CBX2: variants seen among roughly 807,000 people sequenced by gnomAD.
CBX2 encodes chromobox protein homolog 2.
CBX2 carries 11 observed loss-of-function variants against 21.0 expected under a neutral mutation model. That is an observed-to-expected ratio of 0.52 (90% CI 0.33 to 0.87). The LOEUF (loss-of-function observed/expected upper bound fraction) is 0.87, where lower values mean the gene tolerates loss of function less well. Ranked by LOEUF, CBX2 falls within the 40% of genes least tolerant of loss-of-function variation. The probability of loss-of-function intolerance (pLI) is 0.02; values close to 1 mark genes in which losing one functional copy is unlikely to be tolerated. For missense variants in CBX2, 746 were observed against 724.3 expected (o/e 1.03, Z -0.34); for synonymous variants, 364 against 304.6 (o/e 1.19, Z -2.03).
In CBX2 at chr17:79,784,817, G is replaced by C; in HGVS notation, c.1374G>C (p.Met458Ile). ...EARKAATLPE[M>I]SAGEESSSSD... ...GCAAGGCGGCCACACTGCCAGAGAT[G>C]AGCGCAGGTGAGGAGAGTAGCAGCT... The change falls in exon 5 of 5, where the codon ATG becomes ATC. Residue 458 changes from methionine (M) to isoleucine (I), a missense_variant. Around this residue, in one of 2 missense-constraint regions of CBX2, gnomAD observed 701 missense variants for 650.7 expected, o/e 1.08. Coordinates refer to ENST00000310942, the MANE Select transcript of CBX2 (RefSeq NM_005189.3). This position sits in a 1 kb window ranked among gnomAD's most constrained non-coding sequence, Gnocchi z 5.9. 4 of 1,611,658 alleles carry C rather than the reference G, an allele frequency of 2.5e-6. No homozygotes were observed. Among genetic ancestry groups the C allele is most frequent in the Non-Finnish European group, 3.4e-6 (4 of 1,179,258 alleles).
intron 4 of CBX2, 197 bp downstream of exon 4, chr17:79,781,998 G>C (rs782765736): frequency 6.2e-7 from 1 of 1,613,966 alleles, no homozygotes; most frequent in African/African-American, 1.3e-5. Flanking sequence ...CCGGCTGAGA[G>C]TTCCTCCCCG....
At position 79,778,560 on chromosome 17, in the gene CBX2, G is replaced by A; in HGVS notation, c.116+133G>A. The A allele has an allele frequency of 2.0e-6, 1 of 498,322 alleles. No homozygotes were observed. The highest frequency in any genetic ancestry group is 3.3e-6 in the Non-Finnish European group (1 of 303,328). The allele number at this position is 498,322 out of a possible 1,614,324, so 30.9% of individuals were successfully genotyped here. ...AGCGGGAAGTTCGCGGGGTCCCCGCGGGCTCCTCCGGCTCTGAGGGGGGCG... is the reference window on the plus strand; with the variant it reads ...AGCGGGAAGTTCGCGGGGTCCCCGCAGGCTCCTCCGGCTCTGAGGGGGGCG... On this transcript the variant is annotated intron_variant, in intron 2 of 4. Transcript: ENST00000310942. The surrounding 1 kb of genome is among the most constrained non-coding windows in gnomAD (Gnocchi z 4.8).
chr17:79,782,447 C>T (rs1464391611), intron 4 of CBX2: 4 of 1,279,508 alleles, frequency 3.1e-6, no homozygotes, highest in Admixed American at 6.7e-5. Context: ...CCCCTGAGGA[C>T]AGGTGAGGCA....
At chr17:79,782,482 G>A (rs1291213708) in intron 4 of CBX2, 2 of 1,213,752 alleles carry the variant, frequency 1.6e-6, no homozygotes, top group Non-Finnish European at 2.1e-6. Flanking sequence ...AGGAGGGCCT[G>A]GCCTCAGTCC....
In CBX2 at chr17:79,784,855, C is replaced by T; in HGVS notation, c.1412C>T (p.Pro471Leu). The change falls in exon 5 of 5, where the codon CCC becomes CTC. Residue 471 changes from proline to leucine, a missense_variant. By Grantham distance (98) the Pro-to-Leu change is moderately conservative. Transcript: ENST00000310942. This position sits in a 1 kb window ranked among gnomAD's most constrained non-coding sequence, Gnocchi z 5.9. ...GEESSSSDSD[P>L]DSASPPSTGQ... Reference sequence around the variant, plus strand: ...GAGAGTAGCAGCTCGGACTCCGACCCCGACTCCGCCTCGCCGCCCAGCACT... The same window carrying T: ...GAGAGTAGCAGCTCGGACTCCGACCTCGACTCCGCCTCGCCGCCCAGCACT... 6.2e-7 allele frequency: 1 copy of T among 1,613,098 alleles called. No homozygotes were observed. Among genetic ancestry groups the T allele is most frequent in the Non-Finnish European group, 8.5e-7 (1 of 1,179,936 alleles).
At chr17:79,781,066 G>A (rs895773625) in intron 3 of CBX2, among the ~76,000 whole-genome samples, 9 of 152,048 alleles carry the variant, frequency 5.9e-5, no homozygotes, top group Non-Finnish European at 1.2e-4. Flanking sequence ...GGGGGCGGGG[G>A]GGGTACTGCG....
At position 79,778,247 on chromosome 17, in the gene CBX2, G is replaced by A; in HGVS notation, c.12G>A (p.Leu4=). 1 of 1,502,670 alleles carries A rather than the reference G, an allele frequency of 6.7e-7. No homozygotes were observed. Among genetic ancestry groups the A allele is most frequent in the Non-Finnish European group, 8.8e-7 (1 of 1,130,346 alleles). The allele number at this position is 1,502,670 out of a possible 1,614,324, so 93.1% of individuals were successfully genotyped here. A position where few individuals can be genotyped will look rare whatever the true frequency, so the allele number is the denominator to read the frequency against. Residue 4 remains leucine (L), a synonymous_variant, in exon 1 of 5, where the codon CTG becomes CTA. Transcript: ENST00000310942. This position sits in a 1 kb window ranked among gnomAD's most constrained non-coding sequence, Gnocchi z 4.8. The part of the protein sequence containing the change: MEE[L]SSVGEQVFAA... ...GGCTGCCGGGCAGCATGGAGGAGCT[G>A]AGCAGCGTGGGCGAGCAGGTCTTCG...
chr17:79,784,414 C>T lies in CBX2; in HGVS notation c.971C>T (p.Thr324Ile), dbSNP rs141102791. ...GCTGTGGAGCAGAAAGTGGGGAACACAGGGGGCCCCCCGCACACCCATGGT... is the reference window on the plus strand; with the variant it reads ...GCTGTGGAGCAGAAAGTGGGGAACATAGGGGGCCCCCCGCACACCCATGGT... ...GGAVEQKVGN[T>I]GGPPHTHGAS... The change falls in exon 5 of 5, where the codon ACA (threonine) becomes ATA (isoleucine). Residue 324 changes from threonine to isoleucine, a missense_variant. Thr to Ile is a moderately conservative substitution (Grantham distance 89). This residue lies in a region of CBX2 where 701 missense variants were observed against 650.7 expected (regional missense o/e 1.08). Transcript: ENST00000310942. This position sits in a 1 kb window ranked among gnomAD's most constrained non-coding sequence, Gnocchi z 5.9. 1.9e-6 allele frequency: 3 copies of T among 1,611,988 alleles called. No individual in the cohort carries two copies. The African/African-American group carries it at 4.0e-5, about 22-fold the overall frequency.
intron 4 of CBX2, among the ~76,000 whole-genome samples, chr17:79,783,330 G>T (rs1346563429): frequency 6.6e-6 from 1 of 152,154 alleles, no homozygotes; most frequent in Non-Finnish European, 1.5e-5. Flanking sequence ...TGGCTGCAAG[G>T]TGCCCAGTGT....
chr17:79,781,885 C>T (rs1555830391), intron 4 of CBX2, 84 bp downstream of exon 4: 2 of 1,614,172 alleles, frequency 1.2e-6, no homozygotes, highest in South Asian at 1.1e-5. Context: ...GTTTGGGGCC[C>T]TCAGGAAGGG....
At chr17:79,777,746 C>A (rs988489439), upstream of CBX2, among the ~76,000 whole-genome samples, 5 of 152,026 alleles carry the variant, frequency 3.3e-5, no homozygotes, top group African/African-American at 1.2e-4. Context: ...CAGGAAGCAG[C>A]CGCCGCGCCC....
chr17:79,779,662 G>C, intron 3 of CBX2: 2 of 573,334 alleles, frequency 3.5e-6, no homozygotes, highest in Non-Finnish European at 6.3e-6. Context: ...CTAAGTAAGT[G>C]CTGCTTTGGT....
rs1040678359 is a variant in CBX2 at position 79,778,857 on chromosome 17, C to T, written c.116+430C>T. Among the ~76,000 whole-genome samples the T allele has an allele frequency of 6.6e-6, 1 of 152,032 alleles. No individual in the cohort carries two copies. The highest frequency in any genetic ancestry group is 2.4e-5 in the African/African-American group (1 of 41,412). On this transcript the variant is annotated intron_variant, in intron 2 of 4. Coordinates refer to ENST00000310942, the MANE Select transcript of CBX2 (RefSeq NM_005189.3). The surrounding 1 kb of genome is among the most constrained non-coding windows in gnomAD (Gnocchi z 4.8). ...GTTTGGCATCCCCGGAAGGGGCTCTCTGCACAGCTGCTCCCGCGGCCCCGT... is the reference window on the plus strand; with the variant it reads ...GTTTGGCATCCCCGGAAGGGGCTCTTTGCACAGCTGCTCCCGCGGCCCCGT...
rs548661632 is a variant in CBX2 at position 79,784,214 on chromosome 17, G to A, written c.771G>A (p.Val257=). ...RGGISWQSSI[V]HYMNRMTQSQ... ...GCATCAGCTGGCAGAGCTCCATCGT[G>A]CACTACATGAACCGGATGACCCAGA... Residue 257 remains valine (V), a synonymous_variant, in exon 5 of 5, where the codon GTG becomes GTA. Coordinates refer to ENST00000310942, the MANE Select transcript of CBX2 (RefSeq NM_005189.3). This position sits in a 1 kb window ranked among gnomAD's most constrained non-coding sequence, Gnocchi z 5.9. 1.2e-6 allele frequency: 2 copies of A among 1,612,908 alleles called. No homozygotes were observed. The highest frequency in any genetic ancestry group is 1.6e-4 in the Middle Eastern group (1 of 6,062).
At chr17:79,782,032 C>T (rs1254069803) in intron 4 of CBX2, 1 of 1,614,030 alleles carries the variant, frequency 6.2e-7, no homozygotes. Flanking sequence ...CTTCCTGCTT[C>T]AGCCTGTCCT....
Position 79,784,558 on chromosome 17 carries a change from C to T in CBX2, c.1115C>T (p.Ala372Val). ...GGCATGCCCGGGGTGGGTCTCCTTG[C>T]CCGCCACGCCACCGCCACCAAGGGT... is the stretch of plus-strand genomic sequence containing the variant. ...KNGMPGVGLL[A>V]RHATATKGVP... The change falls in exon 5 of 5, where the codon GCC (alanine) becomes GTC (valine). Residue 372 changes from alanine (A) to valine (V), a missense_variant. Ala to Val is a moderately conservative substitution (Grantham distance 64). Transcript: ENST00000310942. This position sits in a 1 kb window ranked among gnomAD's most constrained non-coding sequence, Gnocchi z 5.9. The T allele has an allele frequency of 6.2e-7, 1 of 1,612,572 alleles. No homozygotes were observed. Among genetic ancestry groups the T allele is most frequent in the Non-Finnish European group, 8.5e-7 (1 of 1,179,908 alleles).
chr17:79,782,234 A>G, intron 4 of CBX2: 1 of 1,590,494 alleles, frequency 6.3e-7, no homozygotes, highest in Non-Finnish European at 8.6e-7. Flanking sequence ...TGCACCTTAA[A>G]TCGAGGTGGC....
In CBX2 at chr17:79,784,420, G is replaced by A. The variant is rs782696333; in HGVS notation, c.977G>A (p.Gly326Asp). 16 of 1,611,538 alleles carry A rather than the reference G, an allele frequency of 9.9e-6. No homozygotes were observed. Among genetic ancestry groups the A allele is most frequent in the Non-Finnish European group, 1.4e-5 (16 of 1,179,374 alleles). Reference protein sequence around the residue: ...AVEQKVGNTGGPPHTHGASRV... With the variant: ...AVEQKVGNTGDPPHTHGASRV... ...GAGCAGAAAGTGGGGAACACAGGGG[G>A]CCCCCCGCACACCCATGGTGCCAGC... Residue 326 changes from glycine (G) to aspartate (D), a missense_variant, in exon 5 of 5, where the codon GGC becomes GAC. Physicochemically the swap from Gly to Asp is moderately conservative, Grantham distance 94. This residue lies in a region of CBX2 where 701 missense variants were observed against 650.7 expected (regional missense o/e 1.08). Coordinates refer to ENST00000310942, the MANE Select transcript of CBX2 (RefSeq NM_005189.3). This position sits in a 1 kb window ranked among gnomAD's most constrained non-coding sequence, Gnocchi z 5.9.
At chr17:79,779,251 A>G in intron 2 of CBX2, 111 bp from the exon 3 acceptor site, 1 of 987,148 alleles carries the variant, frequency 1.0e-6, no homozygotes, top group Non-Finnish European at 1.6e-6. Flanking sequence ...CTACGGTGCC[A>G]CTGCCATCGG....
Sources: allele counts gnomAD v4.1 joint callset (sites outside exome capture counted in the v4.1 genomes callset), GRCh38; gene constraint gnomAD v4.1.1; regional missense constraint gnomAD v4.1.1; non-coding constraint Gnocchi (gnomAD v3.1); transcripts MANE v1.5; gene names NCBI Gene and HGNC (gene_info 2026-07-23, HGNC 2026-07-21).